Variants in SLC25A19 observed in about 807,000 individuals in gnomAD.
SLC25A19 encodes the protein mitochondrial thiamine pyrophosphate carrier.
Under a neutral mutation model 27.9 loss-of-function variants are expected in SLC25A19, and 18 were observed. The observed-to-expected ratio is 0.64, with a 90% CI of 0.45 to 0.96. The LOEUF (loss-of-function observed/expected upper bound fraction) is 0.96. Ranked by LOEUF, SLC25A19 falls within the 40% of genes least tolerant of loss-of-function variation. The probability of loss-of-function intolerance (pLI) is 0.00; values close to 1 mark genes in which losing one functional copy is unlikely to be tolerated. For synonymous variants in SLC25A19, 169 were observed against 167.1 expected (o/e 1.01, Z -0.09); for missense variants, 371 against 418.3 (o/e 0.89, Z 0.99).
chr17:75,288,081 T>C (rs2078225826), intron 2 of SLC25A19: 1 of 151,972 alleles, frequency 6.6e-6, no homozygotes. Context: ...GAGGCAGAGG[T>C]TGCAGTGAGC....
At chr17:75,278,711 G>A (rs991780278) in intron 5 of SLC25A19, among the ~76,000 whole-genome samples, 7 of 152,170 alleles carry the variant, frequency 4.6e-5, no homozygotes, top group African/African-American at 1.4e-4. Flanking sequence ...GCCAGGCGCG[G>A]TGGCTCACGC....
intron 3 of SLC25A19, 43 bp from the exon 4 acceptor site, chr17:75,286,502 G>A (rs779895964): frequency 6.2e-7 from 1 of 1,613,322 alleles, no homozygotes; most frequent in South Asian, 1.1e-5. Context: ...GGGGTGGGCT[G>A]GAATGTGAAG....
At chr17:75,284,100 G>A (rs1418721243) in intron 4 of SLC25A19, among the ~76,000 whole-genome samples, 3 of 151,452 alleles carry the variant, frequency 2.0e-5, no homozygotes, top group African/African-American at 7.3e-5. Context: ...GGGCGACAGA[G>A]CAAGACTCGG....
chr17:75,281,858 T>A (rs1275516145), intron 5 of SLC25A19, among the ~76,000 whole-genome samples: 1 of 152,202 alleles, frequency 6.6e-6, no homozygotes, highest in East Asian at 1.9e-4. Context: ...TGAGCTCCTT[T>A]GAGGCAGGGA....
At position 75,283,595 on chromosome 17, in the gene SLC25A19, T is replaced by G; in HGVS notation, c.289-2A>C. On this transcript the variant is annotated splice_acceptor_variant, in intron 4 of 7. Coordinates refer to ENST00000416858, the MANE Select transcript of SLC25A19 (RefSeq NM_001126121.2). LOFTEE classifies it high-confidence loss of function. ...CGTCAGCATTTCAAATGACAAGAAC[T>G]GCAAGAGTAAGTGAAGAAGTCACCG... 6.2e-7 allele frequency: 1 copy of G among 1,612,808 alleles called. No homozygotes were observed. The highest frequency in any genetic ancestry group is 1.1e-5 in the South Asian group (1 of 90,820).
chr17:75,278,208 T>C lies in SLC25A19; in HGVS notation c.587A>G (p.Tyr196Cys), dbSNP rs2077943350. 1 of 1,613,864 alleles carries C rather than the reference T, an allele frequency of 6.2e-7. No homozygotes were observed. Among genetic ancestry groups the C allele is most frequent in the East Asian group, 2.2e-5 (1 of 44,868 alleles). The change falls in exon 6 of 8, where the codon TAC (tyrosine) becomes TGC (cysteine). Residue 196 changes from tyrosine (Y) to cysteine (C), a missense_variant. Transcript: ENST00000416858. ...CTTGTACAGGTGCTTCAAGGAGCTGTAGCAAGAGAACTGCAGCCCGGCGTA... is the reference window on the plus strand; with the variant it reads ...CTTGTACAGGTGCTTCAAGGAGCTGCAGCAAGAGAACTGCAGCCCGGCGTA... Reference protein sequence around the residue: ...FPYAGLQFSCYSSLKHLYKWA... With the variant: ...FPYAGLQFSCCSSLKHLYKWA...
chr17:75,273,338 C>A lies in SLC25A19; in HGVS notation c.*113G>T, dbSNP rs780528476. The A allele has an allele frequency of 5.5e-6, 7 of 1,262,574 alleles. No homozygotes were observed. The East Asian group carries it at 1.3e-4, about 23-fold the overall frequency. The allele number at this position is 1,262,574 out of a possible 1,614,324, so 78.2% of individuals were successfully genotyped here. A position where few individuals can be genotyped will look rare whatever the true frequency, so the allele number is the denominator to read the frequency against. On this transcript the variant is annotated 3_prime_UTR_variant, in exon 8 of 8. Transcript: ENST00000416858. ...CTGGGTGGGTTCAAGGCTGCTACCC[C>A]GCTTGGGGCAGCTGGCCTGCAGGGA...
rs561764117 is a variant in SLC25A19 at position 75,279,803 on chromosome 17, A to G, written c.460-1468T>C. ...ATTACAGGCGAGAGCCATCGCGCCC[A>G]GCCCAATTCTTTGTTTTTTTTGAGA... On this transcript the variant is annotated intron_variant, in intron 5 of 7. Coordinates refer to ENST00000416858, the MANE Select transcript of SLC25A19 (RefSeq NM_001126121.2). Among the ~76,000 whole-genome samples, 23 of 152,136 alleles carry G rather than the reference A, an allele frequency of 1.5e-4. No homozygotes were observed. The East Asian group carries it at 2.7e-3, about 18-fold the overall frequency.
chr17:75,286,894 A>T, intron 2 of SLC25A19, 92 bp from the exon 3 acceptor site: 1 of 1,250,756 alleles, frequency 8.0e-7, no homozygotes, highest in Non-Finnish European at 1.1e-6. Context: ...CCCTGACTAG[A>T]CTGTCTAAAA....
chr17:75,279,715 G>A (rs200920541), intron 5 of SLC25A19, among the ~76,000 whole-genome samples: 1 of 151,716 alleles, frequency 6.6e-6, no homozygotes, highest in Non-Finnish European at 1.5e-5. Flanking sequence ...CATCATGTTG[G>A]CCAGGATGAT....
intron 4 of SLC25A19, among the ~76,000 whole-genome samples, chr17:75,285,273 C>T (rs1454343661): frequency 1.3e-5 from 2 of 151,408 alleles, no homozygotes; most frequent in African/African-American, 4.9e-5. Context: ...TGAAGATGGC[C>T]TGGCTTCTTT....
intron 4 of SLC25A19, among the ~76,000 whole-genome samples, chr17:75,283,884 G>A (rs2078117166): frequency 6.6e-6 from 1 of 152,208 alleles, no homozygotes; most frequent in Non-Finnish European, 1.5e-5. Context: ...GGGGGGCCGA[G>A]GCGGGCAGAT....
At chr17:75,276,343 G>A (rs1049631286) in intron 7 of SLC25A19, among the ~76,000 whole-genome samples, 2 of 152,146 alleles carry the variant, frequency 1.3e-5, no homozygotes, top group African/African-American at 4.8e-5. Flanking sequence ...CCCAATTCCA[G>A]AACAGCTACA....
intron 6 of SLC25A19, 120 bp downstream of exon 6, chr17:75,278,032 A>T (rs1416431974): frequency 9.5e-7 from 1 of 1,050,204 alleles, no homozygotes; most frequent in African/African-American, 1.6e-5. Context: ...TTACAGAGCC[A>T]GGTACAGAGA....
At chr17:75,284,633 C>CAT (rs776356552) in intron 4 of SLC25A19, among the ~76,000 whole-genome samples, 16,316 of 112,146 alleles carry the variant, frequency 0.15, 2,148 homozygotes, top group Middle Eastern at 0.25. Context: ...TCAGATCTTT[C>CAT]TTTTTTTTTT....
intron 5 of SLC25A19, among the ~76,000 whole-genome samples, chr17:75,281,568 G>T (rs977493034): frequency 2.0e-5 from 3 of 152,078 alleles, no homozygotes; most frequent in African/African-American, 7.2e-5. Context: ...ATGGCATCAC[G>T]TGCCTGTAAT....
chr17:75,278,443 A>T (rs1383348709), intron 5 of SLC25A19, 108 bp from the exon 6 acceptor site: 3 of 1,231,004 alleles, frequency 2.4e-6, no homozygotes, highest in Non-Finnish European at 3.5e-6. Context: ...CCAGGAGCGA[A>T]ACTCCTCCTG....
Position 75,273,648 on chromosome 17 carries a change from A to G in SLC25A19, c.775-9T>C. The G allele has an allele frequency of 6.2e-7, 1 of 1,612,110 alleles. No homozygotes were observed. Among genetic ancestry groups the G allele is most frequent in the Non-Finnish European group, 8.5e-7 (1 of 1,179,752 alleles). ...CCCTTGTATCTCCGTACCTGGGGAG[A>G]GGAAAGGGATGAAAATATGGATGCC... On this transcript the variant is annotated splice_polypyrimidine_tract_variant and intron_variant, in intron 7 of 7. Transcript: ENST00000416858.
chr17:75,286,712 A>T lies in SLC25A19; in HGVS notation c.53T>A (p.Val18Glu). 1 of 1,614,178 alleles carries T rather than the reference A, an allele frequency of 6.2e-7. No individual in the cohort carries two copies. Among genetic ancestry groups the T allele is most frequent in the Non-Finnish European group, 8.5e-7 (1 of 1,180,036 alleles). Reference sequence around the variant, plus strand: ...TCCAGACACAGACCCAGCCACTGCCACCTGGAACTTGGTGTTATTCCTGCC... The same window carrying T: ...TCCAGACACAGACCCAGCCACTGCCTCCTGGAACTTGGTGTTATTCCTGCC... ...PDGRNNTKFQ[V>E]AVAGSVSGLV... is the part of the protein sequence containing the mutation. The change falls in exon 3 of 8, where the codon GTG becomes GAG. Residue 18 changes from valine to glutamate, a missense_variant. Physicochemically the swap from Val to Glu is moderately radical, Grantham distance 121. Transcript: ENST00000416858.
Sources: allele counts gnomAD v4.1 joint callset (sites outside exome capture counted in the v4.1 genomes callset), GRCh38; gene constraint gnomAD v4.1.1; transcripts MANE v1.5; gene names NCBI Gene and HGNC (gene_info 2026-07-23, HGNC 2026-07-21).